DOCK6: variants seen among roughly 807,000 people sequenced by gnomAD.
DOCK6 encodes dedicator of cytokinesis 6.
In DOCK6, 167 loss-of-function variants were observed where a neutral mutation model predicts 230.3. The ratio of observed to expected loss-of-function variants is 0.73; its 90% CI spans 0.64 to 0.82. The LOEUF is 0.82. Among genes scored for constraint, DOCK6 ranks in the 40% least tolerant of loss-of-function variants. DOCK6 has a pLI of 0.00. For synonymous variants in DOCK6, 1,148 were observed against 1,185.0 expected (o/e 0.97, Z 0.64); for missense variants, 2,598 against 2,825.8 (o/e 0.92, Z 1.83).
intron 16 of DOCK6, 120 bp from the exon 17 acceptor site, chr19:11,237,899 G>C: frequency 7.1e-7 from 1 of 1,412,072 alleles, no homozygotes; most frequent in Non-Finnish European, 9.7e-7. Context: ...GTCTGCCTCA[G>C]CTTCCCTCAT....
At chr19:11,232,237 C>T (rs1446664428) in intron 22 of DOCK6, 3 of 1,289,680 alleles carry the variant, frequency 2.3e-6, no homozygotes, top group Admixed American at 2.3e-5. Context: ...CACAGCCTTA[C>T]TGCCTCCTGG....
In DOCK6 at chr19:11,235,658, G is replaced by A. The variant is rs771227927; in HGVS notation, c.2494C>T (p.Leu832=). 7.7e-5 allele frequency: 124 copies of A among 1,603,422 alleles called. No individual in the cohort carries two copies. Among genetic ancestry groups the A allele is most frequent in the Non-Finnish European group, 1.0e-4 (121 of 1,175,386 alleles). ...AAGGCGTAGTGGACGTAGGCAGCCA[G>A]CTGTGGGCAGTGACCGCGGGCATCC... The part of the protein sequence containing the change: ...AQDARGHCPQ[L]AAYVHYAFRL... The change falls in exon 21 of 48, where the codon CTG becomes TTG. Residue 832 remains leucine, a synonymous_variant. Transcript: ENST00000294618.
intron 9 of DOCK6, 141 bp downstream of exon 9, chr19:11,245,422 G>A: frequency 1.1e-6 from 1 of 930,880 alleles, no homozygotes; most frequent in South Asian, 1.5e-5. Context: ...AGTTGGATCA[G>A]GGGCCTCCTC....
At chr19:11,253,495 C>A (rs1473629032) in intron 2 of DOCK6, 144 bp downstream of exon 2, 2 of 498,742 alleles carry the variant, frequency 4.0e-6, no homozygotes, top group Non-Finnish European at 6.8e-6. Flanking sequence ...GGCACTCCCT[C>A]CCCCGACACT....
chr19:11,256,103 A>C (rs2080193592), intron 1 of DOCK6, among the ~76,000 whole-genome samples: 1 of 152,026 alleles, frequency 6.6e-6, no homozygotes, highest in Non-Finnish European at 1.5e-5. Context: ...TTTGCTCTTA[A>C]CAGTCTTGGA....
chr19:11,246,098 G>A lies in DOCK6; in HGVS notation c.807-220C>T, dbSNP rs1360228166. On this transcript the variant is annotated intron_variant, in intron 7 of 47. Transcript: ENST00000294618. Reference sequence around the variant, plus strand: ...TTTTTTTTTTTTGAGACAGAGTCTCGCTCTGTTGCCCAGGCTGGAGTGGAG... The same window carrying A: ...TTTTTTTTTTTTGAGACAGAGTCTCACTCTGTTGCCCAGGCTGGAGTGGAG... Among the ~76,000 whole-genome samples, 7 of 150,914 alleles carry A rather than the reference G, an allele frequency of 4.6e-5. No individual in the cohort carries two copies. The South Asian group carries it at 6.3e-4, about 14-fold the overall frequency.
intron 6 of DOCK6, among the ~76,000 whole-genome samples, chr19:11,250,418 G>A (rs1479053432): frequency 5.9e-5 from 9 of 151,770 alleles, no homozygotes; most frequent in Admixed American, 3.9e-4. Context: ...GGGTTCTGGC[G>A]ATTCTCATGC....
At chr19:11,237,133 A>G (rs1734355449) in intron 18 of DOCK6, 2 of 588,206 alleles carry the variant, frequency 3.4e-6, no homozygotes, top group Non-Finnish European at 6.1e-6. Flanking sequence ...GTCAGGAAAC[A>G]GGATAGGAGG....
chr19:11,229,163 G>A (rs1568240613), intron 22 of DOCK6, 128 bp from the exon 23 acceptor site: 1 of 1,218,390 alleles, frequency 8.2e-7, no homozygotes, highest in Non-Finnish European at 1.1e-6. Context: ...GGCAGGAGGA[G>A]GGGGACAAGA....
Position 11,222,040 on chromosome 19 carries a change from T to A in DOCK6, c.3381-20A>T. The A allele has an allele frequency of 1.9e-6, 3 of 1,606,728 alleles. No homozygotes were observed. In the South Asian group the frequency reaches 3.3e-5, roughly 18 times the overall value. Reference sequence around the variant, plus strand: ...AATGCCCTATGGGGTAATGAGGTGCTCAGGACAGGGTGGACATGGCTCCTG... The same window carrying A: ...AATGCCCTATGGGGTAATGAGGTGCACAGGACAGGGTGGACATGGCTCCTG... On this transcript the variant is annotated intron_variant, in intron 27 of 47. Transcript: ENST00000294618. This position sits in a 1 kb window ranked among gnomAD's most constrained non-coding sequence, Gnocchi z 4.0.
rs566297231 is a variant in DOCK6 at position 11,221,658 on chromosome 19, T to C, written c.3550+193A>G. The C allele has an allele frequency of 1.1e-4, 80 of 715,760 alleles. 1 individual carries two copies. Among genetic ancestry groups the C allele is most frequent in the Admixed American group, 5.4e-5 (2 of 37,318 alleles). 44.3% of individuals were successfully genotyped at this position (715,760 alleles called of 1,614,324 possible). A position where few individuals can be genotyped will look rare whatever the true frequency, so the allele number is the denominator to read the frequency against. On this transcript the variant is annotated intron_variant, in intron 28 of 47. Transcript: ENST00000294618. ...TGAAGTAGTTGGTGTTGTTACTGTC[T>C]CCATTACAGGGGAGAAACCTGAGGC...
intron 1 of DOCK6, among the ~76,000 whole-genome samples, chr19:11,259,881 CTTTTT>C (rs1205836383): frequency 3.0e-5 from 2 of 67,780 alleles, no homozygotes; most frequent in African/African-American, 6.0e-5. Context: ...CGCGCCCGGC[CTTTTT>C]TTTTTTTTTT....
intron 35 of DOCK6, among the ~76,000 whole-genome samples, chr19:11,212,366 C>T (rs924837763): frequency 3.3e-5 from 5 of 152,098 alleles, no homozygotes; most frequent in South Asian, 4.1e-4. Context: ...CTCAGCCTCC[C>T]GAGTAGCTGG....
intron 28 of DOCK6, among the ~76,000 whole-genome samples, chr19:11,218,143 C>T (rs1036073545): frequency 1.3e-5 from 2 of 151,932 alleles, no homozygotes. Context: ...AGCCATGGCG[C>T]CTGGCCTATT....
At chr19:11,207,807 G>A (rs1341345294) in intron 39 of DOCK6, among the ~76,000 whole-genome samples, 2 of 152,038 alleles carry the variant, frequency 1.3e-5, no homozygotes, top group Middle Eastern at 3.4e-3. Context: ...ATGTGTGCCT[G>A]TAGTCCCAGC....
chr19:11,215,521 C>G (rs560650516), intron 31 of DOCK6, 50 bp from the exon 32 acceptor site: 5 of 1,537,416 alleles, frequency 3.3e-6, no homozygotes, highest in Non-Finnish European at 2.7e-6. Flanking sequence ...ACAGGGCACA[C>G]GTGAACATCA....
At chr19:11,252,712 G>A (rs1431854984) in intron 3 of DOCK6, 71 bp downstream of exon 3, 1 of 1,596,520 alleles carries the variant, frequency 6.3e-7, no homozygotes, top group African/African-American at 1.3e-5. Flanking sequence ...AGGAGCTGAA[G>A]TCGGGCTGTT....
In DOCK6 at chr19:11,250,856, C is replaced by G. The variant is rs376213511; in HGVS notation, c.720+18G>C. The G allele has an allele frequency of 3.8e-6, 6 of 1,591,068 alleles. 1 individual carries two copies. Among genetic ancestry groups the G allele is most frequent in the Non-Finnish European group, 1.7e-6 (2 of 1,162,718 alleles). On this transcript the variant is annotated intron_variant, in intron 6 of 47. Coordinates refer to ENST00000294618, the MANE Select transcript of DOCK6 (RefSeq NM_020812.4). ...CCAGTAAATGCTGGTTGGCTGATAT[C>G]TGGGAAGGGGCACCCACCTCGTCAG... is the stretch of plus-strand genomic sequence containing the variant.
intron 23 of DOCK6, among the ~76,000 whole-genome samples, chr19:11,227,896 G>A (rs938140851): frequency 6.6e-6 from 1 of 152,118 alleles, no homozygotes; most frequent in Admixed American, 6.5e-5. Flanking sequence ...GATTTGAAGG[G>A]AGCTTTATTG....
Sources: allele counts gnomAD v4.1 joint callset (sites outside exome capture counted in the v4.1 genomes callset), GRCh38; gene constraint gnomAD v4.1.1; non-coding constraint Gnocchi (gnomAD v3.1); transcripts MANE v1.5; gene names NCBI Gene and HGNC (gene_info 2026-07-23, HGNC 2026-07-21).